The following TEX9 variants were observed in gnomAD, a reference collection of about 807,000 sequenced individuals.
TEX9 encodes testis-expressed protein 9.
TEX9 carries 74 observed loss-of-function variants against 59.6 expected under a neutral mutation model. The observed-to-expected ratio is 1.24, with a 90% CI of 1.03 to 1.51. TEX9 has a LOEUF of 1.51. Among genes scored for constraint, TEX9 ranks in the 40% most tolerant of loss-of-function variants. The pLI, the probability that TEX9 is intolerant of heterozygous loss-of-function variation, is 0.00. For synonymous variants in TEX9, 186 were observed against 152.2 expected (o/e 1.22, Z -1.64); for missense variants, 522 against 447.8 (o/e 1.17, Z -1.49).
At chr15:56,327,103 A>G (rs531422149) in intron 1 of TEX9, among the ~76,000 whole-genome samples, 3 of 152,300 alleles carry the variant, frequency 2.0e-5, no homozygotes, top group African/African-American at 7.2e-5. Flanking sequence ...TTTTTTCCAA[A>G]TGCATATATA....
chr15:56,412,252 G>T (rs1468012774), intron 9 of TEX9, 50 bp from the exon 10 acceptor site: 7 of 1,528,620 alleles, frequency 4.6e-6, no homozygotes, highest in Non-Finnish European at 6.2e-6. Flanking sequence ...TGATAAAGGG[G>T]GAAACTATGA....
chr15:56,371,000 G>A (rs2047167197), intron 2 of TEX9, among the ~76,000 whole-genome samples: 1 of 152,028 alleles, frequency 6.6e-6, no homozygotes, highest in Non-Finnish European at 1.5e-5. Context: ...GAGATTACAG[G>A]CATGCAGCAC....
intron 3 of TEX9, among the ~76,000 whole-genome samples, chr15:56,379,781 A>G (rs546336493): frequency 9.9e-5 from 15 of 151,506 alleles, no homozygotes; most frequent in Non-Finnish European, 1.9e-4. Context: ...CCTCTTTAGC[A>G]TTATATAATG....
intron 12 of TEX9, among the ~76,000 whole-genome samples, chr15:56,436,786 T>A (rs1429417874): frequency 6.6e-6 from 1 of 151,682 alleles, no homozygotes; most frequent in African/African-American, 2.4e-5. Flanking sequence ...TCACCACAGA[T>A]CCAACGGAAA....
At chr15:56,432,505 TG>T (rs1456492107) in intron 12 of TEX9, among the ~76,000 whole-genome samples, 1 of 152,182 alleles carries the variant, frequency 6.6e-6, no homozygotes, top group African/African-American at 2.4e-5. Flanking sequence ...GATCTGTCCT[TG>T]ACTTGGGGCC....
At chr15:56,378,506 C>T (rs886484624) in intron 3 of TEX9, among the ~76,000 whole-genome samples, 3 of 151,850 alleles carry the variant, frequency 2.0e-5, no homozygotes, top group African/African-American at 7.2e-5. Flanking sequence ...TATTTATTGG[C>T]GTATAGTTGC....
chr15:56,260,749 C>A lies in TEX9; in HGVS notation c.-107+16471C>A, dbSNP rs142248142. 2.0e-3 allele frequency among the ~76,000 whole-genome samples: 311 copies of A among 151,840 alleles called. 1 individual carries two copies. Among genetic ancestry groups the A allele is most frequent in the African/African-American group, 7.2e-3 (300 of 41,474 alleles). On this transcript the variant is annotated intron_variant, in intron 1 of 5. Transcript: ENST00000560827. ...GTCATATTTTTGTGTTAGGGTTGTT[C>A]TAGCCTCAAAAAAATGAATTAGGAG...
chr15:56,277,023 T>A (rs1166167534), intron 1 of TEX9, among the ~76,000 whole-genome samples: 1 of 152,230 alleles, frequency 6.6e-6, no homozygotes, highest in Middle Eastern at 3.2e-3. Flanking sequence ...TTTGTTTTTT[T>A]TTTCTTGTAA....
At chr15:56,399,468 G>A (rs2048660765) in intron 9 of TEX9, among the ~76,000 whole-genome samples, 1 of 152,230 alleles carries the variant, frequency 6.6e-6, no homozygotes, top group Non-Finnish European at 1.5e-5. Context: ...AGCTTGGACT[G>A]GGCAGAGCCC....
chr15:56,306,280 G>GAAAAAAAAAAAAAAAA (rs2045484308), intron 1 of TEX9, among the ~76,000 whole-genome samples: 6 of 72,020 alleles, frequency 8.3e-5, no homozygotes, highest in Non-Finnish European at 1.3e-4. Flanking sequence ...AAAAAAAAAG[G>GAAAAAAAAAAAAAAAA]AAATCAGTGT....
exon 6 of TEX9, chr15:56,389,330 A>G (rs1249128135): frequency 6.2e-7 from 1 of 1,610,984 alleles, no homozygotes; most frequent in Admixed American, 1.7e-5. Context: ...AAAGACCAAA[A>G]ACATTGATCC....
chr15:56,285,606 T>A (rs899569024), intron 1 of TEX9, among the ~76,000 whole-genome samples: 2 of 152,198 alleles, frequency 1.3e-5, no homozygotes, highest in Non-Finnish European at 2.9e-5. Context: ...GATTTCAGCC[T>A]TCCCTTGGAT....
At chr15:56,250,010 A>T (rs949610090) in intron 1 of TEX9, among the ~76,000 whole-genome samples, 4 of 152,132 alleles carry the variant, frequency 2.6e-5, no homozygotes, top group African/African-American at 9.7e-5. Flanking sequence ...TAGGCTCAAC[A>T]TAAGTCTTTC....
chr15:56,295,987 T>G (rs1193449120), intron 1 of TEX9, among the ~76,000 whole-genome samples: 2 of 152,152 alleles, frequency 1.3e-5, no homozygotes, highest in Non-Finnish European at 2.9e-5. Flanking sequence ...ACTCTCTACC[T>G]CTGCCCACTG....
the TEX9 span, among the ~76,000 whole-genome samples, chr15:56,459,921 C>G: frequency 1.4e-5 from 2 of 140,098 alleles, no homozygotes; most frequent in Non-Finnish European, 3.0e-5. Flanking sequence ...ACCCGGGAGG[C>G]AGAGGTTGTG....
At chr15:56,344,500 G>C (rs2046429232) in intron 1 of TEX9, among the ~76,000 whole-genome samples, 1 of 152,082 alleles carries the variant, frequency 6.6e-6, no homozygotes, top group African/African-American at 2.4e-5. Flanking sequence ...GTTGCTTACA[G>C]CTAGGTGGGT....
rs60361737 is a variant in TEX9, at chr15:56,300,708, G to GGAGAGAGAGAGA, written c.-107+56457_-107+56468dup. On this transcript the variant is annotated intron_variant, in intron 1 of 5. Coordinates refer to the TEX9 transcript ENST00000560827. ...AGCAGAGAGAGAGAGAGAGAGAGAG[G>GGAGAGAGAGAGA]GAGAGAGAGAGAGAGAGAGAGAGAG... is the stretch of plus-strand genomic sequence containing the variant. Among the ~76,000 whole-genome samples the GGAGAGAGAGAGA allele has an allele frequency of 1.4e-3, 139 of 102,690 alleles. 2 individuals carry two copies. The highest frequency in any genetic ancestry group is 3.9e-3 in the African/African-American group (100 of 25,332). 67.4% of individuals were successfully genotyped at this position (102,690 alleles called of 152,430 possible). A position where few individuals can be genotyped will look rare whatever the true frequency, so the allele number is the denominator to read the frequency against.
intron 1 of TEX9, among the ~76,000 whole-genome samples, chr15:56,322,384 G>A (rs2045921816): frequency 6.6e-6 from 1 of 152,134 alleles, no homozygotes; most frequent in Admixed American, 6.6e-5. Context: ...AGAAACATTA[G>A]GGGGCAATTA....
rs2045667754 is a variant in TEX9 at position 56,313,211 on chromosome 15, C to T, written c.-106-60230C>T. Among the ~76,000 whole-genome samples, 6 of 145,748 alleles carry T rather than the reference C, an allele frequency of 4.1e-5. No individual in the cohort carries two copies. In the South Asian group the frequency reaches 1.4e-3, roughly 33 times the overall value. ...AATAGGAGTGGTGAGAGAGGGCATC[C>T]CTGTCTTGTGCCAGTTTTCAAAGGG... On this transcript the variant is annotated intron_variant, in intron 1 of 5. Coordinates refer to the TEX9 transcript ENST00000560827.
Sources: gnomAD v4.1 joint callset for allele counts (sites outside exome capture counted in the v4.1 genomes callset) on GRCh38, gnomAD v4.1.1 for gene constraint, MANE v1.5 for transcripts, NCBI Gene and HGNC (gene_info 2026-07-23, HGNC 2026-07-21) for gene names.